MYO1E: variants seen among roughly 807,000 people sequenced by gnomAD.
MYO1E encodes the protein unconventional myosin-Ie.
In MYO1E, 68 loss-of-function variants were observed where a neutral mutation model predicts 151.1. The observed-to-expected ratio is 0.45, with a 90% CI of 0.37 to 0.55. The LOEUF is 0.55. Ranked by LOEUF, MYO1E falls within the 20% of genes least tolerant of loss-of-function variation. The pLI is 0.00. For synonymous variants in MYO1E, 601 were observed against 501.7 expected, an observed-to-expected ratio of 1.20 and a Z score of -2.64; for missense variants, 1,363 against 1,389.3, an observed-to-expected ratio of 0.98 and a Z score of 0.30.
At chr15:59,189,474 G>A (rs1224362161) in intron 17 of MYO1E, among the ~76,000 whole-genome samples, 5 of 150,710 alleles carry the variant, frequency 3.3e-5, no homozygotes, top group African/African-American at 7.3e-5. Flanking sequence ...GGCTGGAGTG[G>A]AGTGGCAAAC....
chr15:59,270,349 T>G (rs980956060), intron 2 of MYO1E, among the ~76,000 whole-genome samples: 76 of 151,948 alleles, frequency 5.0e-4, no homozygotes, highest in African/African-American at 1.8e-3. Flanking sequence ...CTCAAGAGTT[T>G]GAGACCAGCC....
At chr15:59,312,291 T>G (rs545345293) in intron 1 of MYO1E, among the ~76,000 whole-genome samples, 1 of 152,166 alleles carries the variant, frequency 6.6e-6, no homozygotes, top group Non-Finnish European at 1.5e-5. Flanking sequence ...GGGTTTCATT[T>G]TTACAACTGA....
At chr15:59,214,445 G>T in intron 11 of MYO1E, 131 bp from the exon 12 acceptor site, 1 of 897,154 alleles carries the variant, frequency 1.1e-6, no homozygotes, top group Middle Eastern at 2.9e-4. Context: ...AAAGAAATAA[G>T]TTTATATTTA....
chr15:59,336,835 C>A (rs879353080), intron 1 of MYO1E, among the ~76,000 whole-genome samples: 4 of 148,192 alleles, frequency 2.7e-5, no homozygotes, highest in Non-Finnish European at 4.4e-5. Context: ...TCAGTGAGAA[C>A]ATGCGGTGTT....
At chr15:59,271,667 A>T (rs1007153692) in intron 2 of MYO1E, among the ~76,000 whole-genome samples, 4 of 152,252 alleles carry the variant, frequency 2.6e-5, no homozygotes, top group African/African-American at 4.8e-5. Flanking sequence ...GAACAACTGA[A>T]GAACGTCAAG....
intron 25 of MYO1E, among the ~76,000 whole-genome samples, chr15:59,157,078 G>A (rs1158239968): frequency 6.6e-6 from 1 of 150,478 alleles, no homozygotes; most frequent in African/African-American, 2.5e-5. Context: ...AAAAAAAAAA[G>A]AGCCAGGTGT....
intron 1 of MYO1E, among the ~76,000 whole-genome samples, chr15:59,277,564 A>ACAAAAAAAAAAAAAC (rs71119452): frequency 7.2e-6 from 1 of 139,794 alleles, no homozygotes. Context: ...AAAAAAAAAA[A>ACAAAAAAAAAAAAAC]AAAAAAAAAC....
intron 13 of MYO1E, among the ~76,000 whole-genome samples, chr15:59,210,102 A>C (rs1195633227): frequency 6.6e-6 from 1 of 152,038 alleles, no homozygotes; most frequent in Non-Finnish European, 1.5e-5. Context: ...CCCTGTGCTC[A>C]AGCGATCCAC....
At chr15:59,250,552 G>C (rs1399870799) in intron 4 of MYO1E, among the ~76,000 whole-genome samples, 2 of 152,100 alleles carry the variant, frequency 1.3e-5, no homozygotes, top group African/African-American at 4.8e-5. Context: ...CCTTTTGCCA[G>C]AACGAAACTG....
intron 1 of MYO1E, among the ~76,000 whole-genome samples, chr15:59,372,296 G>C (rs781716510): frequency 9.8e-4 from 149 of 152,284 alleles, no homozygotes; most frequent in Non-Finnish European, 1.9e-3. Flanking sequence ...TTGGAATAAA[G>C]TTTTCCTTGG....
At chr15:59,181,680 C>A (rs1231097296) in intron 18 of MYO1E, among the ~76,000 whole-genome samples, 7 of 152,226 alleles carry the variant, frequency 4.6e-5, no homozygotes, top group African/African-American at 1.7e-4. Context: ...ACACTAAACA[C>A]ACAGAATATT....
At chr15:59,163,397 TAG>T in intron 22 of MYO1E, 94 bp from the exon 23 acceptor site, 1 of 1,298,462 alleles carries the variant, frequency 7.7e-7, no homozygotes, top group Non-Finnish European at 1.1e-6. Context: ...TCCTGCAAGA[TAG>T]TGCTAAGATT....
chr15:59,217,779 T>C (rs2079928576), intron 10 of MYO1E, 112 bp downstream of exon 10: 1 of 1,198,414 alleles, frequency 8.3e-7, no homozygotes, highest in Non-Finnish European at 1.2e-6. Flanking sequence ...CCTCCCACCT[T>C]GGCCTCTCAA....
At chr15:59,213,297 A>C (rs1301533385) in intron 12 of MYO1E, among the ~76,000 whole-genome samples, 1 of 151,930 alleles carries the variant, frequency 6.6e-6, no homozygotes, top group Non-Finnish European at 1.5e-5. Flanking sequence ...CAGCCCCCTG[A>C]GTAGCTGGGT....
rs1457015025 is a variant in MYO1E, at chr15:59,134,341, ATG to A, written c.*3037_*3038del. ...AGGCTTCACCCTTTGTCCTCTCCAC[ATG>A]TCTCTGTATTGTTTCACAAAACACT... On this transcript the variant is annotated 3_prime_UTR_variant, in exon 28 of 28. Coordinates refer to ENST00000288235, the MANE Select transcript of MYO1E (RefSeq NM_004998.4). 1.3e-5 allele frequency: 2 copies of A among 150,542 alleles called. No individual in the cohort carries two copies. Among genetic ancestry groups the A allele is most frequent in the Non-Finnish European group, 3.0e-5 (2 of 67,338 alleles). The allele number at this position is 150,542 out of a possible 1,614,324, so 9.3% of individuals were successfully genotyped here. A position where few individuals can be genotyped will look rare whatever the true frequency, so the allele number is the denominator to read the frequency against.
chr15:59,207,036 AGCAACGC>A, intron 14 of MYO1E: 1 of 1,614,236 alleles, frequency 6.2e-7, no homozygotes, highest in African/African-American at 1.3e-5. Flanking sequence ...GTCCGCGTCA[AGCAACGC>A]GCATCCCGCT....
chr15:59,166,369 G>C (rs2079562802), intron 22 of MYO1E, among the ~76,000 whole-genome samples: 1 of 152,206 alleles, frequency 6.6e-6, no homozygotes, highest in African/African-American at 2.4e-5. Flanking sequence ...GCTGTAAGCT[G>C]TGTTGAAAGA....
At chr15:59,262,472 A>G (rs2080229834) in intron 2 of MYO1E, among the ~76,000 whole-genome samples, 1 of 152,026 alleles carries the variant, frequency 6.6e-6, no homozygotes, top group Non-Finnish European at 1.5e-5. Context: ...AAACAAAAAC[A>G]AAAACATTAG....
At chr15:59,183,317 A>C (rs952781966) in intron 18 of MYO1E, among the ~76,000 whole-genome samples, 1 of 151,186 alleles carries the variant, frequency 6.6e-6, no homozygotes, top group African/African-American at 2.4e-5. Flanking sequence ...AAACAAAAAA[A>C]CCCAGAATAG....
Sources: allele counts gnomAD v4.1 joint callset (sites outside exome capture counted in the v4.1 genomes callset), GRCh38; gene constraint gnomAD v4.1.1; transcripts MANE v1.5; gene names NCBI Gene and HGNC (gene_info 2026-07-23, HGNC 2026-07-21).